Variants in LTBP2 observed in about 807,000 individuals in gnomAD.
LTBP2 encodes latent transforming growth factor beta binding protein 2.
LTBP2 carries 103 observed loss-of-function variants against 210.6 expected under a neutral mutation model. That is an observed-to-expected ratio of 0.49 (90% CI 0.42 to 0.58). The LOEUF (loss-of-function observed/expected upper bound fraction) is 0.58. LTBP2 is among the 20% of genes least tolerant of loss of function. The pLI is 0.00. For synonymous variants in LTBP2, 1,007 were observed against 1,015.0 expected, an observed-to-expected ratio of 0.99 and a Z score of 0.15; for missense variants, 2,313 against 2,494.5, an observed-to-expected ratio of 0.93 and a Z score of 1.55.
At chr14:74,596,812 G>C (rs1419190175) in intron 2 of LTBP2, among the ~76,000 whole-genome samples, 1 of 152,228 alleles carries the variant, frequency 6.6e-6, no homozygotes, top group African/African-American at 2.4e-5. Context: ...AGTTAACAGA[G>C]TGAGTAAGAC....
intron 3 of LTBP2, among the ~76,000 whole-genome samples, chr14:74,562,491 G>A (rs534308357): frequency 3.3e-5 from 5 of 152,244 alleles, no homozygotes; most frequent in East Asian, 1.9e-4. Flanking sequence ...AAATGACATG[G>A]TGGGAAAAAT....
chr14:74,530,073 A>T (rs2087330371), intron 10 of LTBP2, among the ~76,000 whole-genome samples: 1 of 152,220 alleles, frequency 6.6e-6, no homozygotes. Context: ...TGATGATTCC[A>T]TCGCAGGGGA....
chr14:74,511,235 C>T lies in LTBP2; in HGVS notation c.3028+10G>A, dbSNP rs1397308411. 6.2e-7 allele frequency: 1 copy of T among 1,613,772 alleles called. No homozygotes were observed. The highest frequency in any genetic ancestry group is 2.2e-5 in the East Asian group (1 of 44,884). On this transcript the variant is annotated intron_variant, in intron 19 of 35. Transcript: ENST00000261978. ...ATGGCTGGCTCAGTGCCTTGGCCAGCAGCCCTCACCTACACAGCTCCCACT... is the reference window on the plus strand; with the variant it reads ...ATGGCTGGCTCAGTGCCTTGGCCAGTAGCCCTCACCTACACAGCTCCCACT...
intron 17 of LTBP2, among the ~76,000 whole-genome samples, chr14:74,517,580 C>T (rs2087152418): frequency 1.3e-5 from 2 of 152,070 alleles, no homozygotes; most frequent in African/African-American, 4.8e-5. Flanking sequence ...ACTATGTTGA[C>T]CAGGCTGGTC....
intron 8 of LTBP2, among the ~76,000 whole-genome samples, chr14:74,549,517 ACACTGAAT>A (rs750637934): frequency 5.9e-5 from 9 of 152,220 alleles, no homozygotes; most frequent in Non-Finnish European, 1.2e-4. Context: ...AATAAAGAAA[ACACTGAAT>A]CACTGAATCA....
intron 8 of LTBP2, among the ~76,000 whole-genome samples, chr14:74,536,433 A>T (rs2087422660): frequency 6.6e-6 from 1 of 152,226 alleles, no homozygotes; most frequent in African/African-American, 2.4e-5. Context: ...AGTGTCTTGT[A>T]TTCTTGAAAA....
At chr14:74,564,203 A>C (rs1485186394) in intron 3 of LTBP2, among the ~76,000 whole-genome samples, 2 of 63,382 alleles carry the variant, frequency 3.2e-5, no homozygotes, top group African/African-American at 1.3e-4. Context: ...ATATATTTAT[A>C]TATATTTATA....
In LTBP2 at chr14:74,507,303, G is replaced by A. The variant is rs369600851; in HGVS notation, c.3783C>T (p.Asp1261=). ...SPESGECVDI[D]ECEDYGDPVC... ...CCGGGTCTCCATAGTCCTCACACTC[G>A]TCAATATCTGTCCCCAGAGCCATGC... Residue 1261 remains aspartate, a synonymous_variant, in exon 26 of 36, where the codon GAC becomes GAT. Coordinates refer to ENST00000261978, the MANE Select transcript of LTBP2 (RefSeq NM_000428.3). 4.5e-5 allele frequency: 73 copies of A among 1,613,874 alleles called. No homozygotes were observed. The highest frequency in any genetic ancestry group is 1.6e-4 in the Middle Eastern group (1 of 6,084).
intron 9 of LTBP2, among the ~76,000 whole-genome samples, chr14:74,534,506 C>G (rs2087393637): frequency 6.6e-6 from 1 of 152,138 alleles, no homozygotes; most frequent in African/African-American, 2.4e-5. Context: ...ATCACCTTTT[C>G]CAGGGAGCCT....
At chr14:74,584,072 A>G (rs2088172778) in intron 3 of LTBP2, among the ~76,000 whole-genome samples, 1 of 152,144 alleles carries the variant, frequency 6.6e-6, no homozygotes, top group Non-Finnish European at 1.5e-5. Flanking sequence ...TGGACTGAGC[A>G]TTTTTGATGG....
Position 74,611,567 on chromosome 14 carries a change from G to T in LTBP2, c.378C>A (p.Pro126=). The part of the protein sequence containing the change: ...QPPAQTRRST[P]LGQQQPAPRT... ...GGGGTGCTGGTTGCTGCTGGCCCAGGGGAGTGCTTCTCCGGGTCTGCGCAG... is the reference window on the plus strand; with the variant it reads ...GGGGTGCTGGTTGCTGCTGGCCCAGTGGAGTGCTTCTCCGGGTCTGCGCAG... Residue 126 remains proline, a synonymous_variant, in exon 1 of 36, where the codon CCC becomes CCA. Transcript: ENST00000261978. The T allele has an allele frequency of 6.3e-7, 1 of 1,578,816 alleles. No homozygotes were observed.
intron 22 of LTBP2, 90 bp downstream of exon 22, chr14:74,509,148 G>A (rs1393912170): frequency 2.5e-6 from 4 of 1,598,466 alleles, no homozygotes; most frequent in Non-Finnish European, 3.4e-6. Flanking sequence ...AGCTCCTCCA[G>A]CCTCAGCAGC....
At chr14:74,505,462 CGGTATACCATGCTGCCTGCCTCCCTG>C (rs1215234475) in intron 28 of LTBP2, among the ~76,000 whole-genome samples, 2 of 152,182 alleles carry the variant, frequency 1.3e-5, no homozygotes, top group Non-Finnish European at 2.9e-5. Context: ...CTGCGCTTTG[CGGTATACCATGCTGCCTGCCTCCCTG>C]GGACGGGCTG....
At chr14:74,606,306 T>C (rs1339072314) in intron 1 of LTBP2, among the ~76,000 whole-genome samples, 2 of 152,224 alleles carry the variant, frequency 1.3e-5, no homozygotes, top group East Asian at 1.9e-4. Context: ...CTGGCACCCA[T>C]GTGCCTACTT....
chr14:74,512,259 C>T (rs139599946), intron 18 of LTBP2, among the ~76,000 whole-genome samples: 114 of 152,282 alleles, frequency 7.5e-4, no homozygotes, highest in African/African-American at 2.1e-3. Context: ...CCCTCTGGCC[C>T]GGTATCAAGG....
intron 3 of LTBP2, among the ~76,000 whole-genome samples, chr14:74,580,997 T>C (rs1657564709): frequency 6.6e-6 from 1 of 151,964 alleles, no homozygotes; most frequent in Non-Finnish European, 1.5e-5. Context: ...GGGAGGGGGA[T>C]AGCAAGTGCC....
intron 1 of LTBP2, among the ~76,000 whole-genome samples, chr14:74,611,013 C>G (rs2088597969): frequency 3.3e-5 from 5 of 152,222 alleles, no homozygotes; most frequent in African/African-American, 1.2e-4. Context: ...CCATGGGGCC[C>G]CCGACACCTC....
At chr14:74,505,985 C>T in intron 28 of LTBP2, 63 bp downstream of exon 28, 1 of 1,603,300 alleles carries the variant, frequency 6.2e-7, no homozygotes, top group Non-Finnish European at 8.5e-7. Flanking sequence ...TAGAGGGATG[C>T]AGAGGGACAC....
chr14:74,543,784 T>C (rs2087545176), intron 8 of LTBP2, among the ~76,000 whole-genome samples: 1 of 152,202 alleles, frequency 6.6e-6, no homozygotes, highest in Non-Finnish European at 1.5e-5. Flanking sequence ...ATAATGTCCA[T>C]TATTCAGATT....
Sources: allele counts gnomAD v4.1 joint callset (sites outside exome capture counted in the v4.1 genomes callset), GRCh38; gene constraint gnomAD v4.1.1; transcripts MANE v1.5; gene names NCBI Gene and HGNC (gene_info 2026-07-23, HGNC 2026-07-21).